Variants in ESAM observed in about 807,000 individuals in gnomAD.
ESAM encodes endothelial cell adhesion molecule.
A neutral mutation model predicts 31.8 loss-of-function variants in ESAM; 23 were observed. The ratio of observed to expected loss-of-function variants is 0.72; its 90% CI spans 0.52 to 1.03. ESAM has a LOEUF of 1.03. Ranked by LOEUF, ESAM falls within the 50% of genes least tolerant of loss-of-function variation. The pLI, the probability that ESAM is intolerant of heterozygous loss-of-function variation, is 0.00. For synonymous variants in ESAM, 216 were observed against 207.2 expected (o/e 1.04, Z -0.37); for missense variants, 478 against 488.9 (o/e 0.98, Z 0.21).
chr11:124,754,552 A>T lies in ESAM; in HGVS notation c.730+89T>A, dbSNP rs1944132362. ...GGAAGCTCCGTGCCCTGCTACAGAG[A>T]CAGGCCTCAGCAGACAGGCCTCCTC... On this transcript the variant is annotated intron_variant, in intron 5 of 6. Transcript: ENST00000278927. The surrounding 1 kb of genome is among the most constrained non-coding windows in gnomAD (Gnocchi z 4.5). The T allele has an allele frequency of 3.9e-6, 6 of 1,539,788 alleles. No homozygotes were observed. The South Asian group carries it at 5.1e-5, about 13-fold the overall frequency.
At position 124,754,876 on chromosome 11, in the gene ESAM, G is replaced by C. The variant is rs996589369; in HGVS notation, c.608-113C>G. 1.4e-6 allele frequency: 2 copies of C among 1,381,914 alleles called. No individual in the cohort carries two copies. The highest frequency in any genetic ancestry group is 2.6e-5 in the Admixed American group (1 of 38,830). 85.6% of individuals were successfully genotyped at this position (1,381,914 alleles called of 1,614,324 possible). A position where few individuals can be genotyped will look rare whatever the true frequency, so the allele number is the denominator to read the frequency against. Reference sequence around the variant, plus strand: ...TTTGACCCTCTGGGAGTCACGGCTTGTCTATTCCCTGATGGGGGGAGAGGT... The same window carrying C: ...TTTGACCCTCTGGGAGTCACGGCTTCTCTATTCCCTGATGGGGGGAGAGGT... On this transcript the variant is annotated intron_variant, in intron 4 of 6. Transcript: ENST00000278927. The surrounding 1 kb of genome is among the most constrained non-coding windows in gnomAD (Gnocchi z 4.5).
intron 4 of ESAM, among the ~76,000 whole-genome samples, 180 bp downstream of exon 4, chr11:124,756,027 C>T (rs960198229): frequency 6.6e-6 from 1 of 152,222 alleles, no homozygotes. Flanking sequence ...TGTGAATGCA[C>T]CTAACACAAT....
At chr11:124,760,721 A>G (rs1944219307) in intron 1 of ESAM, among the ~76,000 whole-genome samples, 1 of 152,224 alleles carries the variant, frequency 6.6e-6, no homozygotes, top group Admixed American at 6.5e-5. Context: ...GGTAGGACAA[A>G]GGGTTGCAGA....
In ESAM at chr11:124,754,411, C is replaced by G. The variant is rs1944130590; in HGVS notation, c.731-71G>C. ...CTCACCCCTCTCCAATCCCACTCTC[C>G]CCACCCCATCTGCCACCATACACAT... On this transcript the variant is annotated intron_variant, in intron 5 of 6. Coordinates refer to ENST00000278927, the MANE Select transcript of ESAM (RefSeq NM_138961.3). The surrounding 1 kb of genome is among the most constrained non-coding windows in gnomAD (Gnocchi z 4.5). The G allele has an allele frequency of 6.4e-7, 1 of 1,568,426 alleles. No homozygotes were observed. Among genetic ancestry groups the G allele is most frequent in the Non-Finnish European group, 8.6e-7 (1 of 1,157,684 alleles).
rs779467310 is a variant in ESAM at position 124,754,502 on chromosome 11, C to T, written c.730+139G>A. The T allele has an allele frequency of 5.4e-5, 81 of 1,502,184 alleles. No homozygotes were observed. Among genetic ancestry groups the T allele is most frequent in the African/African-American group, 4.3e-4 (31 of 71,718 alleles). 93.1% of individuals were successfully genotyped at this position (1,502,184 alleles called of 1,614,324 possible). A position where few individuals can be genotyped will look rare whatever the true frequency, so the allele number is the denominator to read the frequency against. On this transcript the variant is annotated intron_variant, in intron 5 of 6. Coordinates refer to ENST00000278927, the MANE Select transcript of ESAM (RefSeq NM_138961.3). The surrounding 1 kb of genome is among the most constrained non-coding windows in gnomAD (Gnocchi z 4.5). ...CAGGAAATGACCAGTCACTGACCAACCATTTGTACAAACATTTGATCAGGG... is the reference window on the plus strand; with the variant it reads ...CAGGAAATGACCAGTCACTGACCAATCATTTGTACAAACATTTGATCAGGG...
At chr11:124,758,895 G>A (rs2134461767) in intron 1 of ESAM, among the ~76,000 whole-genome samples, 1 of 152,342 alleles carries the variant, frequency 6.6e-6, no homozygotes, top group South Asian at 2.1e-4. Context: ...TCTGTCGTAC[G>A]CGCCACGTAG....
At chr11:124,758,713 C>T (rs1421059162) in intron 1 of ESAM, among the ~76,000 whole-genome samples, 186 bp from the exon 2 acceptor site, 1 of 152,242 alleles carries the variant, frequency 6.6e-6, no homozygotes, top group Non-Finnish European at 1.5e-5. Context: ...TCCTGCTTCC[C>T]ATTTCATCAC....
Position 124,754,049 on chromosome 11 carries a change from T to C in ESAM, c.858-88A>G. 6.4e-7 allele frequency: 1 copy of C among 1,563,642 alleles called. No homozygotes were observed. The highest frequency in any genetic ancestry group is 8.7e-7 in the Non-Finnish European group (1 of 1,149,504). On this transcript the variant is annotated intron_variant, in intron 6 of 6. Coordinates refer to ENST00000278927, the MANE Select transcript of ESAM (RefSeq NM_138961.3). This position sits in a 1 kb window ranked among gnomAD's most constrained non-coding sequence, Gnocchi z 4.5. ...CCTGCTTGGTCTTATATACCACCTC[T>C]GCCTGCACACTTCAGTACTCCTTTC...
chr11:124,758,538 G>T lies in ESAM; in HGVS notation c.71-11C>A, dbSNP rs1038089694. 6.6e-7 allele frequency: 1 copy of T among 1,525,646 alleles called. No individual in the cohort carries two copies. 94.5% of individuals were successfully genotyped at this position (1,525,646 alleles called of 1,614,324 possible). A position where few individuals can be genotyped will look rare whatever the true frequency, so the allele number is the denominator to read the frequency against. On this transcript the variant is annotated splice_polypyrimidine_tract_variant and intron_variant, in intron 1 of 6. Coordinates refer to ENST00000278927, the MANE Select transcript of ESAM (RefSeq NM_138961.3). Reference sequence around the variant, plus strand: ...CCCGCGAGGGGGGCGCTGGAGACAAGAGCGAGGCGTGAGTGCCCAGGACCG... The same window carrying T: ...CCCGCGAGGGGGGCGCTGGAGACAATAGCGAGGCGTGAGTGCCCAGGACCG...
At position 124,762,225 on chromosome 11, in the gene ESAM, G is replaced by A. The variant is rs1225021008; in HGVS notation, c.-71C>T. 1 of 1,254,960 alleles carries A rather than the reference G, an allele frequency of 8.0e-7. No homozygotes were observed. Among genetic ancestry groups the A allele is most frequent in the East Asian group, 2.9e-5 (1 of 34,702 alleles). The allele number at this position is 1,254,960 out of a possible 1,614,324, so 77.7% of individuals were successfully genotyped here. On this transcript the variant is annotated 5_prime_UTR_variant, in exon 1 of 7. Coordinates refer to ENST00000278927, the MANE Select transcript of ESAM (RefSeq NM_138961.3). This position sits in a 1 kb window ranked among gnomAD's most constrained non-coding sequence, Gnocchi z 6.4. ...GCACGGACCTGCAGGTGCCGAGGCT[G>A]CGCGACGGCCGGAGCGTGCGCGGGA...
Position 124,754,540 on chromosome 11 carries a change from C to G in ESAM, c.730+101G>C, listed in dbSNP as rs1169833134. 1.3e-6 allele frequency: 2 copies of G among 1,529,596 alleles called. No individual in the cohort carries two copies. The highest frequency in any genetic ancestry group is 1.8e-6 in the Non-Finnish European group (2 of 1,136,706). 94.8% of individuals were successfully genotyped at this position (1,529,596 alleles called of 1,614,324 possible). On this transcript the variant is annotated intron_variant, in intron 5 of 6. Transcript: ENST00000278927. This position sits in a 1 kb window ranked among gnomAD's most constrained non-coding sequence, Gnocchi z 4.5. ...CATTTGATCAGGGGAAGCTCCGTGC[C>G]CTGCTACAGAGACAGGCCTCAGCAG...
rs1203973306 is a variant in ESAM, at chr11:124,756,831, T to C, written c.250-89A>G. ...CCACTCTCCCTCCCCCAGCTCGCAT[T>C]CTCCAAATGCCCCTCACATGCACCC... is the stretch of plus-strand genomic sequence containing the variant. On this transcript the variant is annotated intron_variant, in intron 2 of 6. Transcript: ENST00000278927. 3 of 1,384,188 alleles carry C rather than the reference T, an allele frequency of 2.2e-6. No homozygotes were observed. In the African/African-American group the frequency reaches 4.3e-5, roughly 20 times the overall value. 85.7% of individuals were successfully genotyped at this position (1,384,188 alleles called of 1,614,324 possible).
At chr11:124,756,837 A>G (rs1327981540) in intron 2 of ESAM, 95 bp from the exon 3 acceptor site, 3 of 1,327,960 alleles carry the variant, frequency 2.3e-6, no homozygotes, top group African/African-American at 1.4e-5. Context: ...GCATTCTCCA[A>G]ATGCCCCTCA....
Position 124,754,168 on chromosome 11 carries a change from G to C in ESAM, c.857+46C>G. 1.3e-6 allele frequency: 2 copies of C among 1,597,968 alleles called. No individual in the cohort carries two copies. The highest frequency in any genetic ancestry group is 8.5e-7 in the Non-Finnish European group (1 of 1,171,464). Reference sequence around the variant, plus strand: ...TGCCTGAATTCCCAGCCTCTGTGAGGAGAGCTGGGAGAGCCCCCGCTGCAG... The same window carrying C: ...TGCCTGAATTCCCAGCCTCTGTGAGCAGAGCTGGGAGAGCCCCCGCTGCAG... On this transcript the variant is annotated intron_variant, in intron 6 of 6. Coordinates refer to ENST00000278927, the MANE Select transcript of ESAM (RefSeq NM_138961.3). This position sits in a 1 kb window ranked among gnomAD's most constrained non-coding sequence, Gnocchi z 4.5.
Position 124,754,293 on chromosome 11 carries a change from C to A in ESAM, c.778G>T (p.Gly260Ter). The change falls in exon 6 of 7, where the codon GGA (glycine) becomes TGA (stop). Residue 260 changes from glycine to a stop codon, truncating the protein, a stop_gained. Transcript: ENST00000278927. LOFTEE classifies it high-confidence loss of function. This position sits in a 1 kb window ranked among gnomAD's most constrained non-coding sequence, Gnocchi z 4.5. Reference protein sequence around the residue: ...VAGAVVGTLVGLGLLAGLVLL... With the variant: ...VAGAVVGTLV ...ACCAGCCCAGCCAGCAACCCCAGTCCAACCAGGGTACCCACAACAGCTCCA... is the reference window on the plus strand; with the variant it reads ...ACCAGCCCAGCCAGCAACCCCAGTCAAACCAGGGTACCCACAACAGCTCCA... 6.2e-7 allele frequency: 1 copy of A among 1,614,114 alleles called. No homozygotes were observed. Among genetic ancestry groups the A allele is most frequent in the Non-Finnish European group, 8.5e-7 (1 of 1,180,012 alleles).
At chr11:124,758,017 A>G (rs142120766) in intron 2 of ESAM, among the ~76,000 whole-genome samples, 1 of 152,266 alleles carries the variant, frequency 6.6e-6, no homozygotes, top group East Asian at 1.9e-4. Context: ...GCTAACTTTT[A>G]TAAGTCGTGT....
rs1186302086 is a variant in ESAM at position 124,753,356 on chromosome 11, G to A, written c.*290C>T. ...GGCCTGGGAGACTCAGTGACTGGAA[G>A]TCTCTGCCCCTCACTCTTGGTGAGT... is the stretch of plus-strand genomic sequence containing the variant. On this transcript the variant is annotated 3_prime_UTR_variant, in exon 7 of 7. Coordinates refer to ENST00000278927, the MANE Select transcript of ESAM (RefSeq NM_138961.3). 2 of 417,360 alleles carry A rather than the reference G, an allele frequency of 4.8e-6. No individual in the cohort carries two copies. The highest frequency in any genetic ancestry group is 8.3e-5 in the Admixed American group (2 of 24,106). 25.9% of individuals were successfully genotyped at this position (417,360 alleles called of 1,614,324 possible).
intron 2 of ESAM, chr11:124,757,580 C>G (rs1591429550): frequency 6.6e-6 from 1 of 151,882 alleles, no homozygotes; most frequent in South Asian, 2.1e-4. Context: ...CCCCTTGGCT[C>G]TCAAGGTGGT....
Position 124,758,595 on chromosome 11 carries a change from C to T in ESAM, c.71-68G>A, listed in dbSNP as rs1201709200. 13 of 1,433,342 alleles carry T rather than the reference C, an allele frequency of 9.1e-6. No individual in the cohort carries two copies. In the African/African-American group the frequency reaches 1.2e-4, roughly 13 times the overall value. The allele number at this position is 1,433,342 out of a possible 1,614,324, so 88.8% of individuals were successfully genotyped here. Reference sequence around the variant, plus strand: ...AGCTCCGCCCGCGGACCCTGCCCTACGCGGCTTCACCAGAGAGCGAGGAAA... The same window carrying T: ...AGCTCCGCCCGCGGACCCTGCCCTATGCGGCTTCACCAGAGAGCGAGGAAA... On this transcript the variant is annotated intron_variant, in intron 1 of 6. Transcript: ENST00000278927.
Sources: allele counts gnomAD v4.1 joint callset (sites outside exome capture counted in the v4.1 genomes callset), GRCh38; gene constraint gnomAD v4.1.1; non-coding constraint Gnocchi (gnomAD v3.1); transcripts MANE v1.5; gene names NCBI Gene and HGNC (gene_info 2026-07-23, HGNC 2026-07-21).